PGA4: variants seen among roughly 807,000 people sequenced by gnomAD.
The protein encoded by PGA4 is pepsinogen A4.
For missense variants in PGA4, 7 were observed against 20.3 expected, an observed-to-expected ratio of 0.35 and a Z score of 1.26; for synonymous variants, 4 against 8.7, an observed-to-expected ratio of 0.46 and a Z score of 0.95.
intron 8 of PGA4, chr11:61,230,843 C>G (rs1854006144): frequency 6.1e-6 from 1 of 163,668 alleles, no homozygotes; most frequent in Non-Finnish European, 1.2e-5. Flanking sequence ...CCAGTGGACT[C>G]ATGTTACTCA....
chr11:61,230,860 A>G (rs1411744823), intron 8 of PGA4: 14 of 165,574 alleles, frequency 8.5e-5, no homozygotes, highest in Middle Eastern at 2.5e-3. Flanking sequence ...CTCAACAAGA[A>G]GCACTGATGC....
chr11:61,230,574 G>A lies in PGA4; in HGVS notation c.1017+310G>A, dbSNP rs879993112. 8.4e-5 allele frequency: 29 copies of A among 347,134 alleles called. 7 individuals carry two copies. The highest frequency in any genetic ancestry group is 4.1e-4 in the Admixed American group (10 of 24,584). 21.5% of individuals were successfully genotyped at this position (347,134 alleles called of 1,614,324 possible). On this transcript the variant is annotated intron_variant, in intron 8 of 8. Transcript: ENST00000378149. ...GCCCATTGATTCTGAGCAAGCTACA[G>A]CTCATCTCACCCTCAGTTTTCTCAT...
chr11:61,229,812 G>GGTC, intron 6 of PGA4, 107 bp from the exon 7 acceptor site: 1 of 12,366 alleles, frequency 8.1e-5, no homozygotes, highest in South Asian at 9.1e-4. Context: ...TTCACGCATT[G>GGTC]GCCAATGGAT....
In PGA4 at chr11:61,230,042, C is replaced by T. The variant is rs1481595147; in HGVS notation, c.897C>T (p.Ala299=). 2 of 178,664 alleles carry T rather than the reference C, an allele frequency of 1.1e-5. No homozygotes were observed. Among genetic ancestry groups the T allele is most frequent in the African/African-American group, 3.8e-4 (2 of 5,260 alleles). The allele number at this position is 178,664 out of a possible 1,614,324, so 11.1% of individuals were successfully genotyped here. ...PIANIQSDIG[A]SENSDGDMVV... ...CCAACATCCAGAGCGACATCGGAGC[C>T]AGCGAGAACTCAGATGGCGACGTGA... Residue 299 remains alanine (A), a synonymous_variant, in exon 7 of 9, where the codon GCC becomes GCT. Coordinates refer to ENST00000378149, the MANE Select transcript of PGA4 (RefSeq NM_001079808.6).
rs1205977444 is a variant in PGA4 at position 61,230,030 on chromosome 11, C to T, written c.885C>T (p.Ser295=). The T allele has an allele frequency of 6.4e-5, 11 of 171,040 alleles. No individual in the cohort carries two copies. The highest frequency in any genetic ancestry group is 3.1e-4 in the South Asian group (5 of 15,948). 10.6% of individuals were successfully genotyped at this position (171,040 alleles called of 1,614,324 possible). The change falls in exon 7 of 9, where the codon AGC becomes AGT. Residue 295 remains serine, a synonymous_variant. Coordinates refer to ENST00000378149, the MANE Select transcript of PGA4 (RefSeq NM_001079808.6). ...GPTSPIANIQ[S]DIGASENSDG... ...CCAGCCCCATTGCCAACATCCAGAG[C>T]GACATCGGAGCCAGCGAGAACTCAG...
chr11:61,230,353 G>A lies in PGA4; in HGVS notation c.1017+89G>A, dbSNP rs1188050097. ...CTGCAGACGGAAAGTACACTTCCAC[G>A]AGCTGAAGCCAGCAGGCAGAGGCAG... is the stretch of plus-strand genomic sequence containing the variant. On this transcript the variant is annotated intron_variant, in intron 8 of 8. Coordinates refer to ENST00000378149, the MANE Select transcript of PGA4 (RefSeq NM_001079808.6). 4 of 554,572 alleles carry A rather than the reference G, an allele frequency of 7.2e-6. 1 individual carries two copies. Among genetic ancestry groups the A allele is most frequent in the Admixed American group, 4.6e-5 (1 of 21,616 alleles). The allele number at this position is 554,572 out of a possible 1,614,324, so 34.4% of individuals were successfully genotyped here. A position where few individuals can be genotyped will look rare whatever the true frequency, so the allele number is the denominator to read the frequency against.
intron 6 of PGA4, chr11:61,229,578 A>G (rs2134698076): frequency 5.8e-3 from 3 of 516 alleles, no homozygotes; most frequent in Non-Finnish European, 9.1e-3. Flanking sequence ...CTCACCCTGG[A>G]CCCTGTTTTT....
chr11:61,229,784 A>T, intron 6 of PGA4, 135 bp from the exon 7 acceptor site: 2 of 10,472 alleles, frequency 1.9e-4, no homozygotes, highest in South Asian at 1.0e-3. Context: ...TGAGTGCGTG[A>T]ACGAGAGGAA....
At chr11:61,230,771 A>G in intron 8 of PGA4, 1 of 217,082 alleles carries the variant, frequency 4.6e-6, no homozygotes, top group Non-Finnish European at 9.1e-6. Context: ...CTTTAGCTAT[A>G]CGAGCCACAA....
Position 61,222,433 on chromosome 11 carries a change from G to A in PGA4, c.33G>A (p.Ala11=). 2 of 1,042 alleles carry A rather than the reference G, an allele frequency of 1.9e-3. No homozygotes were observed. Among genetic ancestry groups the A allele is most frequent in the Admixed American group, 3.7e-3 (1 of 268 alleles). The allele number at this position is 1,042 out of a possible 1,614,324, so 0.1% of individuals were successfully genotyped here. The part of the protein sequence containing the change: MKWLLLLGLV[A]LSECIMYKVP... The stretch of plus-strand genomic sequence containing the variant: ...GGCTGCTGCTGCTGGGTCTGGTGGC[G>A]CTCTCTGAGTGCATCATGTACAAGT... Residue 11 remains alanine (A), a synonymous_variant, in exon 1 of 9, where the codon GCG becomes GCA. Transcript: ENST00000378149.
At position 61,230,676 on chromosome 11, in the gene PGA4, G is replaced by C. The variant is rs1854005172; in HGVS notation, c.1017+412G>C. Reference sequence around the variant, plus strand: ...ACCAAGTGAGACTGATCACATCAGAGCTACCAAGGGTTGGGCAAATGGAAA... The same window carrying C: ...ACCAAGTGAGACTGATCACATCAGACCTACCAAGGGTTGGGCAAATGGAAA... On this transcript the variant is annotated intron_variant, in intron 8 of 8. Transcript: ENST00000378149. The C allele has an allele frequency of 7.8e-6, 2 of 257,236 alleles. 1 individual carries two copies. The highest frequency in any genetic ancestry group is 9.1e-5 in the Admixed American group (2 of 22,014). The allele number at this position is 257,236 out of a possible 1,614,324, so 15.9% of individuals were successfully genotyped here.
chr11:61,222,550 C>A (rs2134698005), intron 1 of PGA4, 94 bp downstream of exon 1: 4 of 174 alleles, frequency 0.023, no homozygotes, highest in South Asian at 0.045. Context: ...TTCTCTCTCT[C>A]TTCAGCTGTC....
At chr11:61,229,786 C>T in intron 6 of PGA4, 133 bp from the exon 7 acceptor site, 1 of 10,188 alleles carries the variant, frequency 9.8e-5, no homozygotes, top group Admixed American at 4.4e-4. Context: ...AGTGCGTGAA[C>T]GAGAGGAACA....
intron 8 of PGA4, chr11:61,230,465 G>A (rs1854003538): frequency 3.2e-6 from 1 of 313,098 alleles, no homozygotes. Context: ...AGCCCCCTAA[G>A]GGAACAAGTG....
In PGA4 at chr11:61,230,008, G is replaced by A. The variant is rs1223920394; in HGVS notation, c.863G>A (p.Ser288Asn). ...TGTSLLTGPT[S>N]PIANIQSDIG... ...ACCTCTCTGCTGACCGGCCCAACCA[G>A]CCCCATTGCCAACATCCAGAGCGAC... The change falls in exon 7 of 9, where the codon AGC becomes AAC. Residue 288 changes from serine to asparagine, a missense_variant. Ser to Asn is a conservative substitution (Grantham distance 46). Coordinates refer to ENST00000378149, the MANE Select transcript of PGA4 (RefSeq NM_001079808.6). 2 of 163,938 alleles carry A rather than the reference G, an allele frequency of 1.2e-5. No homozygotes were observed. Among genetic ancestry groups the A allele is most frequent in the South Asian group, 1.3e-4 (2 of 15,416 alleles). 10.2% of individuals were successfully genotyped at this position (163,938 alleles called of 1,614,324 possible). A position where few individuals can be genotyped will look rare whatever the true frequency, so the allele number is the denominator to read the frequency against.
chr11:61,230,698 G>A (rs1215294806), intron 8 of PGA4: 1 of 248,768 alleles, frequency 4.0e-6, no homozygotes, highest in Admixed American at 4.4e-5. Flanking sequence ...TGGGCAAATG[G>A]AAATCCTAAT....
chr11:61,230,139 A>C, intron 7 of PGA4, 27 bp from the exon 8 acceptor site: 1 of 301,290 alleles, frequency 3.3e-6, no homozygotes, highest in Non-Finnish European at 5.4e-6. Context: ...AAACCCTTCT[A>C]ACTTTTCTCA....
chr11:61,231,415 A>C lies in PGA4; in HGVS notation c.1051A>C (p.Met351Leu). 2.7e-6 allele frequency: 1 copy of C among 364,834 alleles called. No homozygotes were observed. Among genetic ancestry groups the C allele is most frequent in the East Asian group, 3.4e-5 (1 of 29,506 alleles). 22.6% of individuals were successfully genotyped at this position (364,834 alleles called of 1,614,324 possible). Residue 351 changes from methionine to leucine, a missense_variant, in exon 9 of 9, where the codon ATG becomes CTG. By Grantham distance (15) the Met-to-Leu change is conservative (BLOSUM62 2). Coordinates refer to ENST00000378149, the MANE Select transcript of PGA4 (RefSeq NM_001079808.6). Reference sequence around the variant, plus strand: ...GAGCTGCATCAGTGGCTTCCAGGGCATGAACCTCCCCACCGAATCTGGAGA... The same window carrying C: ...GAGCTGCATCAGTGGCTTCCAGGGCCTGAACCTCCCCACCGAATCTGGAGA... ...EGSCISGFQG[M>L]NLPTESGELW...
At chr11:61,229,788 AGAGGAACAGAAATT>A in intron 6 of PGA4, 117 bp from the exon 7 acceptor site, 1 of 10,526 alleles carries the variant, frequency 9.5e-5, no homozygotes, top group South Asian at 1.0e-3. Flanking sequence ...TGCGTGAACG[AGAGGAACAGAAATT>A]TCACGCATTG....
Sources: allele counts gnomAD v4.1 joint callset, GRCh38; gene constraint gnomAD v4.1.1; transcripts MANE v1.5; gene names NCBI Gene and HGNC (gene_info 2026-07-23, HGNC 2026-07-21).